Variants in PDE9A observed in about 807,000 individuals in gnomAD.
PDE9A encodes phosphodiesterase 9A.
In PDE9A, 60 loss-of-function variants were observed where a neutral mutation model predicts 87.4. That is an observed-to-expected ratio of 0.69 (90% CI 0.56 to 0.85). The LOEUF is 0.85. PDE9A is among the 40% of genes least tolerant of loss of function. The probability of loss-of-function intolerance (pLI) is 0.00; values close to 1 mark genes in which losing one functional copy is unlikely to be tolerated. For synonymous variants in PDE9A, 272 were observed against 279.4 expected (o/e 0.97, Z 0.27); for missense variants, 665 against 779.0 (o/e 0.85, Z 1.74).
At chr21:42,680,677 G>A (rs865897528) in intron 1 of PDE9A, among the ~76,000 whole-genome samples, 12 of 152,216 alleles carry the variant, frequency 7.9e-5, no homozygotes, top group African/African-American at 2.2e-4. Flanking sequence ...TGAGTGACAC[G>A]TAGCTCTCTT....
intron 1 of PDE9A, among the ~76,000 whole-genome samples, chr21:42,670,230 T>TTACACAC (rs879590545): frequency 2.7e-5 from 2 of 74,156 alleles, no homozygotes; most frequent in African/African-American, 1.1e-4. Flanking sequence ...CACATACACT[T>TTACACAC]ACATTCACAC....
chr21:42,760,137 C>T lies in PDE9A; in HGVS notation c.898-191C>T, dbSNP rs183120128. ...CTGCCCCGGGTGCCGTGGTGTGGCC[C>T]GCTGGACGTTCTCAGGGTCCCTGTG... On this transcript the variant is annotated intron_variant, in intron 11 of 19. Coordinates refer to ENST00000291539, the MANE Select transcript of PDE9A (RefSeq NM_002606.3). This position sits in a 1 kb window ranked among gnomAD's most constrained non-coding sequence, Gnocchi z 5.2. Among the ~76,000 whole-genome samples, 24 of 152,140 alleles carry T rather than the reference C, an allele frequency of 1.6e-4. No homozygotes were observed. The highest frequency in any genetic ancestry group is 9.7e-4 in the East Asian group (5 of 5,168).
chr21:42,720,606 C>T (rs936386602), intron 4 of PDE9A, among the ~76,000 whole-genome samples: 8 of 152,172 alleles, frequency 5.3e-5, no homozygotes, highest in Admixed American at 1.3e-4. Context: ...AGCTCTGTCC[C>T]GTCTTTGCAG....
intron 1 of PDE9A, among the ~76,000 whole-genome samples, chr21:42,661,181 G>A (rs1481529358): frequency 6.6e-6 from 1 of 151,950 alleles, no homozygotes; most frequent in Non-Finnish European, 1.5e-5. Context: ...ACAGGCGCCT[G>A]CCACCAGGCC....
intron 4 of PDE9A, among the ~76,000 whole-genome samples, chr21:42,727,259 C>T (rs1207390165): frequency 6.6e-6 from 1 of 152,024 alleles, no homozygotes; most frequent in Non-Finnish European, 1.5e-5. Flanking sequence ...TTTCAACATA[C>T]AACTTCTGCA....
chr21:42,752,277 GT>G lies in PDE9A; in HGVS notation c.735+1087del, dbSNP rs570842347. On this transcript the variant is annotated intron_variant, in intron 9 of 19. Coordinates refer to ENST00000291539, the MANE Select transcript of PDE9A (RefSeq NM_002606.3). ...TTCTGGGTGGATTTGGGGGGTTTTT[GT>G]TTTTTTCTTTTGATACTGAGTCTCA... 3.1e-3 allele frequency among the ~76,000 whole-genome samples: 465 copies of G among 151,886 alleles called. 1 individual carries two copies. Among genetic ancestry groups the G allele is most frequent in the Middle Eastern group, 0.01 (3 of 292 alleles).
rs372257786 is a variant in PDE9A at position 42,656,384 on chromosome 21, G to A, written c.69+2501G>A. ...GCCATCTCAGTTTCCCCCTGAGACCGCAGAGACGGGGAGGAAGGAGGGAAC... is the reference window on the plus strand; with the variant it reads ...GCCATCTCAGTTTCCCCCTGAGACCACAGAGACGGGGAGGAAGGAGGGAAC... On this transcript the variant is annotated intron_variant, in intron 1 of 19. Coordinates refer to ENST00000291539, the MANE Select transcript of PDE9A (RefSeq NM_002606.3). 1.8e-3 allele frequency among the ~76,000 whole-genome samples: 271 copies of A among 152,332 alleles called. 1 individual carries two copies. Among genetic ancestry groups the A allele is most frequent in the African/African-American group, 5.3e-3 (222 of 41,564 alleles).
chr21:42,773,119 A>G (rs1226645394), intron 19 of PDE9A, among the ~76,000 whole-genome samples: 42 of 151,064 alleles, frequency 2.8e-4, no homozygotes, highest in Non-Finnish European at 5.5e-4. Flanking sequence ...AAAATTAGCC[A>G]GGTGTTGTGG....
At chr21:42,688,107 C>A in intron 3 of PDE9A, 113 bp downstream of exon 3, 1 of 897,318 alleles carries the variant, frequency 1.1e-6, no homozygotes, top group Non-Finnish European at 1.8e-6. Context: ...GAATTGACAG[C>A]AGAGATGGAG....
Position 42,731,956 on chromosome 21 carries a change from G to A in PDE9A, c.442+7G>A. ...GGCCAGCGCATCCCTCCAGGTAACG[G>A]GCAGCTCCTCGGCCACAGCCTCCAC... On this transcript the variant is annotated splice_region_variant and intron_variant, in intron 5 of 19. Coordinates refer to ENST00000291539, the MANE Select transcript of PDE9A (RefSeq NM_002606.3). 1.2e-6 allele frequency: 2 copies of A among 1,613,018 alleles called. No homozygotes were observed. The highest frequency in any genetic ancestry group is 1.7e-6 in the Non-Finnish European group (2 of 1,179,272).
chr21:42,698,050 A>G (rs2060237245), intron 3 of PDE9A, among the ~76,000 whole-genome samples: 1 of 152,222 alleles, frequency 6.6e-6, no homozygotes, highest in African/African-American at 2.4e-5. Context: ...GAGCAAGTCA[A>G]AGACATGAAC....
intron 7 of PDE9A, among the ~76,000 whole-genome samples, chr21:42,735,822 A>C (rs929882134): frequency 6.6e-6 from 1 of 152,146 alleles, no homozygotes; most frequent in African/African-American, 2.4e-5. Flanking sequence ...TAGGTTGTGA[A>C]CAGATCTTTC....
chr21:42,772,160 C>T (rs549350889), intron 18 of PDE9A, among the ~76,000 whole-genome samples: 9 of 152,332 alleles, frequency 5.9e-5, no homozygotes, highest in Non-Finnish European at 8.8e-5. Flanking sequence ...AAGCCCAAGC[C>T]GCAGGCTCTG....
intron 8 of PDE9A, among the ~76,000 whole-genome samples, chr21:42,749,600 C>T (rs2054213862): frequency 6.6e-6 from 1 of 152,204 alleles, no homozygotes; most frequent in African/African-American, 2.4e-5. Flanking sequence ...ATACCAAGTG[C>T]TAAACAAAAA....
intron 13 of PDE9A, 76 bp from the exon 14 acceptor site, chr21:42,762,007 G>C: frequency 7.0e-7 from 1 of 1,425,722 alleles, no homozygotes; most frequent in Non-Finnish European, 9.7e-7. Context: ...CCACTTACAT[G>C]GCTGGGTGTT....
At chr21:42,754,388 G>A (rs1054381936) in intron 10 of PDE9A, among the ~76,000 whole-genome samples, 3 of 152,136 alleles carry the variant, frequency 2.0e-5, no homozygotes, top group Non-Finnish European at 4.4e-5. Context: ...CATGCACGCC[G>A]GTGGCAGCCC....
In PDE9A at chr21:42,714,112, G is replaced by T. The variant is rs371695633; in HGVS notation, c.262+15101G>T. On this transcript the variant is annotated intron_variant, in intron 4 of 19. Transcript: ENST00000291539. ...TGGCTCACTGCAAGCTCCACCTCCC[G>T]GGTTCACGCCATTCTCCTGCCTCAG... Among the ~76,000 whole-genome samples the T allele has an allele frequency of 1.4e-4, 20 of 139,130 alleles. No individual in the cohort carries two copies. In the East Asian group the frequency reaches 4.2e-3, roughly 29 times the overall value. The allele number at this position is 139,130 out of a possible 152,430, so 91.3% of individuals were successfully genotyped here. A position where few individuals can be genotyped will look rare whatever the true frequency, so the allele number is the denominator to read the frequency against.
At chr21:42,746,139 A>C (rs2053823567) in intron 8 of PDE9A, among the ~76,000 whole-genome samples, 1 of 152,166 alleles carries the variant, frequency 6.6e-6, no homozygotes, top group Non-Finnish European at 1.5e-5. Context: ...GCCGTGCCTG[A>C]TGGGCACCCG....
At position 42,739,564 on chromosome 21, in the gene PDE9A, C is replaced by T. The variant is rs2052882917; in HGVS notation, c.569-4212C>T. ...GGAATGCACTTTTGCAATGTTGTTA[C>T]TCACTATCCATCTACTTGGCCAACA... On this transcript the variant is annotated intron_variant, in intron 7 of 19. Transcript: ENST00000291539. The surrounding 1 kb of genome is among the most constrained non-coding windows in gnomAD (Gnocchi z 4.1). Among the ~76,000 whole-genome samples, 1 of 152,236 alleles carries T rather than the reference C, an allele frequency of 6.6e-6. No individual in the cohort carries two copies.
Sources: gnomAD v4.1 joint callset for allele counts (sites outside exome capture counted in the v4.1 genomes callset) on GRCh38, gnomAD v4.1.1 for gene constraint, Gnocchi (gnomAD v3.1) non-coding constraint, MANE v1.5 for transcripts, NCBI Gene and HGNC (gene_info 2026-07-23, HGNC 2026-07-21) for gene names.